TRAPPC2L: variants seen among roughly 807,000 people sequenced by gnomAD.
TRAPPC2L encodes the protein trafficking protein particle complex subunit 2L, also known as trafficking protein particle complex subunit 2-like protein.
A neutral mutation model predicts 13.2 loss-of-function variants in TRAPPC2L; 17 were observed. The observed-to-expected ratio is 1.29, with a 90% CI of 0.88 to 1.93. The LOEUF (loss-of-function observed/expected upper bound fraction) is 1.93, where lower values mean the gene tolerates loss of function less well. Among genes scored for constraint, TRAPPC2L ranks in the 30% most tolerant of loss-of-function variants. TRAPPC2L has a pLI of 0.00. For missense variants in TRAPPC2L, 359 were observed against 252.1 expected (o/e 1.42, Z -2.87); for synonymous variants, 150 against 98.1 (o/e 1.53, Z -3.12).
At chr16:88,860,490 C>T (rs1362347611) in exon 4 of TRAPPC2L, 2 of 601,250 alleles carry the variant, frequency 3.3e-6, no homozygotes, top group South Asian at 2.0e-5. Flanking sequence ...AGACATAATT[C>T]CCTGTGGTTG....
At chr16:88,856,896 G>C (rs1186737850), upstream of TRAPPC2L, 2 of 1,502,274 alleles carry the variant, frequency 1.3e-6, no homozygotes, top group African/African-American at 1.5e-5. Context: ...CGGGAGCCGC[G>C]GAGCCCCGGC....
At chr16:88,857,183 G>C in exon 1 of TRAPPC2L, 1 of 1,576,296 alleles carries the variant, frequency 6.3e-7, no homozygotes, top group Non-Finnish European at 8.6e-7. Context: ...TTGCCAAGGA[G>C]GTGCGTACGC....
chr16:88,857,073 C>T (rs1028715839), upstream of TRAPPC2L: 7 of 1,503,638 alleles, frequency 4.7e-6, no homozygotes, highest in East Asian at 2.6e-5. Context: ...CAGCTGTGTG[C>T]GGATGGGGCG....
upstream of TRAPPC2L, chr16:88,857,038 G>C: frequency 7.0e-7 from 1 of 1,426,612 alleles, no homozygotes; most frequent in Non-Finnish European, 9.1e-7. Context: ...GGACTGCCTC[G>C]TGACCAGTGG....
chr16:88,861,082 T>C, exon 4 of TRAPPC2L: 1 of 928,874 alleles, frequency 1.1e-6, no homozygotes, highest in Non-Finnish European at 1.7e-6. Flanking sequence ...CAGCTGTGCA[T>C]GTTCTCTCAA....
upstream of TRAPPC2L, chr16:88,857,042 C>G (rs1967962918): frequency 7.0e-7 from 1 of 1,431,626 alleles, no homozygotes; most frequent in African/African-American, 1.5e-5. Flanking sequence ...TGCCTCGTGA[C>G]CAGTGGGGCG....
intron 2 of TRAPPC2L, 81 bp from the exon 3 acceptor site, chr16:88,859,582 T>C: frequency 7.4e-7 from 1 of 1,348,806 alleles, no homozygotes; most frequent in East Asian, 2.3e-5. Context: ...GGTTGCCACA[T>C]TTCTCCAAAG....
chr16:88,857,714 C>T (rs1271076244), intron 1 of TRAPPC2L, among the ~76,000 whole-genome samples: 1 of 152,240 alleles, frequency 6.6e-6, no homozygotes. Context: ...CCAAACAATT[C>T]TGCAGCTCCC....
At chr16:88,861,492 G>A (rs924409919) in exon 4 of TRAPPC2L, 1 of 362,406 alleles carries the variant, frequency 2.8e-6, no homozygotes, top group South Asian at 2.0e-5. Flanking sequence ...GGCCTTAAAA[G>A]GAGCCCTTGT....
chr16:88,862,414 C>G (rs977389389), exon 4 of TRAPPC2L: 1 of 152,404 alleles, frequency 6.6e-6, no homozygotes, highest in African/African-American at 2.4e-5. Context: ...GGGGACTCAG[C>G]TGCCACATGC....
At chr16:88,861,223 G>A (rs1485552622) in exon 4 of TRAPPC2L, 3 of 501,764 alleles carry the variant, frequency 6.0e-6, no homozygotes, top group East Asian at 3.6e-5. Flanking sequence ...CAGGTAGCCT[G>A]TCCTCAGTTG....
At chr16:88,856,482 G>A (rs775190407), upstream of TRAPPC2L, 1 of 699,912 alleles carries the variant, frequency 1.4e-6, no homozygotes, top group South Asian at 1.5e-5. Flanking sequence ...CGGTCATGCA[G>A]CACAGTGGCA....
chr16:88,859,893 A>G, exon 4 of TRAPPC2L: 1 of 1,553,552 alleles, frequency 6.4e-7, no homozygotes, highest in Non-Finnish European at 8.7e-7. Flanking sequence ...TCTTTTTCAG[A>G]TGTTCCGGAA....
upstream of TRAPPC2L, chr16:88,857,055 G>C: frequency 6.9e-7 from 1 of 1,458,218 alleles, no homozygotes; most frequent in Non-Finnish European, 9.0e-7. Context: ...GTGGGGCGGG[G>C]CCTGAGCCAG....
At chr16:88,861,299 A>C in exon 4 of TRAPPC2L, 2 of 392,376 alleles carry the variant, frequency 5.1e-6, no homozygotes, top group Non-Finnish European at 9.7e-6. Context: ...ACCTGTGACC[A>C]TGTGGGTCAC....
chr16:88,857,200 TG>T lies in TRAPPC2L; in HGVS notation c.33+21del. 1 of 1,562,524 alleles carries T rather than the reference TG, an allele frequency of 6.4e-7. No individual in the cohort carries two copies. Among genetic ancestry groups the T allele is most frequent in the Non-Finnish European group, 8.6e-7 (1 of 1,159,374 alleles). Reference sequence around the variant, plus strand: ...GCCAAGGAGGTGCGTACGCGCGGCGTGGGGCGTCCGGGCTCGCACCATCCTC... The same window carrying T: ...GCCAAGGAGGTGCGTACGCGCGGCGTGGGCGTCCGGGCTCGCACCATCCTC... On this transcript the variant is annotated intron_variant, in intron 1 of 3. Coordinates refer to ENST00000565504, the Ensembl canonical transcript of TRAPPC2L.
chr16:88,857,186 G>A lies in TRAPPC2L; in HGVS notation c.33+3G>A, dbSNP rs754349301. On this transcript the variant is annotated splice_donor_region_variant and intron_variant, in intron 1 of 3. Coordinates refer to ENST00000565504, the Ensembl canonical transcript of TRAPPC2L. ...GCATCGCGGTGATTGCCAAGGAGGT[G>A]CGTACGCGCGGCGTGGGGCGTCCGG... 6 of 1,574,178 alleles carry A rather than the reference G, an allele frequency of 3.8e-6. No homozygotes were observed. The highest frequency in any genetic ancestry group is 3.4e-5 in the South Asian group (3 of 87,282).
At chr16:88,860,345 A>G (rs1176465679) in exon 4 of TRAPPC2L, 4 of 674,464 alleles carry the variant, frequency 5.9e-6, no homozygotes, top group Non-Finnish European at 1.1e-5. Flanking sequence ...TGAATTTGGA[A>G]CAGTCAGGAA....
exon 2 of TRAPPC2L, chr16:88,858,774 C>G: frequency 6.2e-7 from 1 of 1,613,298 alleles, no homozygotes; most frequent in Non-Finnish European, 8.5e-7. Flanking sequence ...TGCTCTACCC[C>G]ACGGAGGACT....
Sources: gnomAD v4.1 joint callset for allele counts (sites outside exome capture counted in the v4.1 genomes callset) on GRCh38, gnomAD v4.1.1 for gene constraint, MANE v1.5 for transcripts, NCBI Gene and HGNC (gene_info 2026-07-23, HGNC 2026-07-21) for gene names.